PRIMA1: variants seen among roughly 807,000 people sequenced by gnomAD.
The protein encoded by PRIMA1 is proline rich membrane anchor 1.
Under a neutral mutation model 17.5 loss-of-function variants are expected in PRIMA1, and 7 were observed. That is an observed-to-expected ratio of 0.40 (90% CI 0.23 to 0.75). The LOEUF (loss-of-function observed/expected upper bound fraction) is 0.75, where lower values mean the gene tolerates loss of function less well. Among genes scored for constraint, PRIMA1 ranks in the 30% least tolerant of loss-of-function variants. The pLI is 0.37. For synonymous variants in PRIMA1, 97 were observed against 77.9 expected, an observed-to-expected ratio of 1.25 and a Z score of -1.29; for missense variants, 200 against 201.8, an observed-to-expected ratio of 0.99 and a Z score of 0.05.
chr14:93,767,010 C>A (rs114577726), intron 3 of PRIMA1, among the ~76,000 whole-genome samples: 2,325 of 152,224 alleles, frequency 0.015, 63 homozygotes, highest in African/African-American at 0.053. Flanking sequence ...AGTCTTGGAG[C>A]CCACTGATGG....
intron 3 of PRIMA1, among the ~76,000 whole-genome samples, chr14:93,749,651 G>A (rs1367351033): frequency 1.3e-5 from 2 of 152,232 alleles, no homozygotes; most frequent in East Asian, 1.9e-4. Flanking sequence ...ACCTTGGGAA[G>A]GGAGAATGCT....
chr14:93,775,989 A>G (rs1231545244), intron 3 of PRIMA1, among the ~76,000 whole-genome samples: 2 of 152,224 alleles, frequency 1.3e-5, no homozygotes, highest in Non-Finnish European at 2.9e-5. Flanking sequence ...CTAGTCCAGC[A>G]AAAGTCAGCC....
chr14:93,725,027 C>T lies in PRIMA1; in HGVS notation c.360-3481G>A, dbSNP rs1296664471. 2.6e-5 allele frequency among the ~76,000 whole-genome samples: 4 copies of T among 152,246 alleles called. No individual in the cohort carries two copies. In the South Asian group the frequency reaches 6.2e-4, roughly 24 times the overall value. On this transcript the variant is annotated intron_variant, in intron 4 of 4. Coordinates refer to ENST00000393140, the MANE Select transcript of PRIMA1 (RefSeq NM_178013.4). ...CTTCCTGCCATCTCTGAGACCCCTT[C>T]GTACTCGCGGGCCCTGGGGAAGAGG...
chr14:93,736,050 T>C (rs2076148149), intron 4 of PRIMA1, among the ~76,000 whole-genome samples: 1 of 152,182 alleles, frequency 6.6e-6, no homozygotes, highest in Non-Finnish European at 1.5e-5. Context: ...GCATTGGGCC[T>C]TTCTGTCTGT....
intron 3 of PRIMA1, among the ~76,000 whole-genome samples, chr14:93,748,798 G>A (rs1156915210): frequency 6.6e-6 from 1 of 151,926 alleles, no homozygotes; most frequent in Non-Finnish European, 1.5e-5. Context: ...GCTCCTGAGG[G>A]GACATTAAAA....
rs779293897 is a variant in PRIMA1, at chr14:93,721,473, C to T, written c.433G>A (p.Gly145Arg). 5.6e-6 allele frequency: 9 copies of T among 1,613,820 alleles called. No homozygotes were observed. In the East Asian group the frequency reaches 1.8e-4, roughly 32 times the overall value. Residue 145 changes from glycine to arginine, a missense_variant, in exon 5 of 5, where the codon GGA becomes AGA. Coordinates refer to ENST00000393140, the MANE Select transcript of PRIMA1 (RefSeq NM_178013.4). ...YPMSASQSNKGVDVNNAVV is the reference protein window; with the variant it reads ...YPMSASQSNKRVDVNNAVV ...ACCACTGCGTTGTTCACGTCTACTCCTTTGTTGCTCTGCGAAGCACTCATG... is the reference window on the plus strand; with the variant it reads ...ACCACTGCGTTGTTCACGTCTACTCTTTTGTTGCTCTGCGAAGCACTCATG...
chr14:93,752,174 C>T (rs1362273933), intron 3 of PRIMA1, among the ~76,000 whole-genome samples: 2 of 152,178 alleles, frequency 1.3e-5, no homozygotes, highest in Non-Finnish European at 2.9e-5. Context: ...ACTTTCAAAG[C>T]ACATTTTCCT....
intron 3 of PRIMA1, among the ~76,000 whole-genome samples, chr14:93,764,062 C>T (rs372932164): frequency 2.0e-5 from 3 of 151,972 alleles, no homozygotes; most frequent in East Asian, 3.9e-4. Context: ...CATGTCTGGT[C>T]GGTCACTGAG....
At chr14:93,746,109 C>T (rs994608892) in intron 3 of PRIMA1, among the ~76,000 whole-genome samples, 13 of 151,970 alleles carry the variant, frequency 8.6e-5, no homozygotes, top group African/African-American at 2.4e-4. Flanking sequence ...TTTCAGGGGT[C>T]GCAGCCGGGC....
At chr14:93,753,978 G>A (rs2076275964) in intron 3 of PRIMA1, among the ~76,000 whole-genome samples, 1 of 152,210 alleles carries the variant, frequency 6.6e-6, no homozygotes. Flanking sequence ...TCTGGGCTGG[G>A]CCTGCTGTGC....
At chr14:93,732,451 G>C (rs113643085) in intron 4 of PRIMA1, among the ~76,000 whole-genome samples, 1 of 152,188 alleles carries the variant, frequency 6.6e-6, no homozygotes, top group African/African-American at 2.4e-5. Flanking sequence ...TGCCCTGGAC[G>C]GACACTCGTG....
intron 3 of PRIMA1, among the ~76,000 whole-genome samples, chr14:93,744,739 A>C (rs947019416): frequency 2.6e-5 from 4 of 152,140 alleles, no homozygotes; most frequent in Non-Finnish European, 5.9e-5. Context: ...CCCCTGTTTC[A>C]TAAGTCTCCC....
intron 2 of PRIMA1, among the ~76,000 whole-genome samples, chr14:93,783,371 C>T (rs1267978459): frequency 6.6e-6 from 1 of 152,222 alleles, no homozygotes; most frequent in East Asian, 1.9e-4. Context: ...ATTCAGTTGG[C>T]ACAATGCCCA....
chr14:93,722,687 T>C lies in PRIMA1; in HGVS notation c.360-1141A>G, dbSNP rs111690846. Among the ~76,000 whole-genome samples, 127 of 18,758 alleles carry C rather than the reference T, an allele frequency of 6.8e-3. 2 individuals carry two copies. The highest frequency in any genetic ancestry group is 0.036 in the South Asian group (26 of 732). The allele number at this position is 18,758 out of a possible 152,430, so 12.3% of individuals were successfully genotyped here. ...AGCGGTAATGATGATGGGGTGATGATGGTAATGATGATGATAGTGGTGGTT... is the reference window on the plus strand; with the variant it reads ...AGCGGTAATGATGATGGGGTGATGACGGTAATGATGATGATAGTGGTGGTT... On this transcript the variant is annotated intron_variant, in intron 4 of 4. Transcript: ENST00000393140.
At chr14:93,768,628 C>T (rs921878687) in intron 3 of PRIMA1, among the ~76,000 whole-genome samples, 3 of 152,124 alleles carry the variant, frequency 2.0e-5, no homozygotes, top group Admixed American at 1.3e-4. Flanking sequence ...ATGGCACAAC[C>T]TTGGTAAATG....
intron 4 of PRIMA1, among the ~76,000 whole-genome samples, chr14:93,727,823 G>T (rs2141153236): frequency 6.6e-6 from 1 of 151,342 alleles, no homozygotes; most frequent in East Asian, 2.0e-4. Flanking sequence ...TGTCACAAAA[G>T]GCCTTCATTG....
intron 3 of PRIMA1, among the ~76,000 whole-genome samples, chr14:93,768,696 A>C (rs1884964164): frequency 6.6e-6 from 1 of 152,228 alleles, no homozygotes; most frequent in Non-Finnish European, 1.5e-5. Flanking sequence ...ATAAACTTGC[A>C]AGCTTTGATT....
intron 3 of PRIMA1, among the ~76,000 whole-genome samples, chr14:93,754,619 A>C (rs1422129081): frequency 6.6e-6 from 1 of 152,166 alleles, no homozygotes; most frequent in Admixed American, 6.5e-5. Context: ...AAGGGAATTA[A>C]ACTTCTCGGC....
rs138426052 is a variant in PRIMA1 at position 93,745,596 on chromosome 14, G to A, written c.230-8226C>T. Among the ~76,000 whole-genome samples, 609 of 152,294 alleles carry A rather than the reference G, an allele frequency of 4.0e-3. 3 individuals carry two copies. The highest frequency in any genetic ancestry group is 0.014 in the African/African-American group (566 of 41,584). ...GGGCAGTGCCTTCCTCCTGGCTCAGGCCCCCACCTGGGCATTCCCTCTGCC... is the reference window on the plus strand; with the variant it reads ...GGGCAGTGCCTTCCTCCTGGCTCAGACCCCCACCTGGGCATTCCCTCTGCC... On this transcript the variant is annotated intron_variant, in intron 3 of 4. Coordinates refer to ENST00000393140, the MANE Select transcript of PRIMA1 (RefSeq NM_178013.4).
Sources: gnomAD v4.1 joint callset for allele counts (sites outside exome capture counted in the v4.1 genomes callset) on GRCh38, gnomAD v4.1.1 for gene constraint, MANE v1.5 for transcripts, NCBI Gene and HGNC (gene_info 2026-07-23, HGNC 2026-07-21) for gene names.